Variants in CCDC149 observed in about 807,000 individuals in gnomAD.
CCDC149 encodes coiled-coil domain containing 149, also known as coiled-coil domain-containing protein 149.
CCDC149 carries 45 observed loss-of-function variants against 59.9 expected under a neutral mutation model. That is an observed-to-expected ratio of 0.75 (90% CI 0.59 to 0.96). The LOEUF (loss-of-function observed/expected upper bound fraction) is 0.96. Ranked by LOEUF, CCDC149 falls within the 40% of genes least tolerant of loss-of-function variation. The pLI, the probability that CCDC149 is intolerant of heterozygous loss-of-function variation, is 0.00. For synonymous variants in CCDC149, 245 were observed against 260.6 expected (o/e 0.94, Z 0.58); for missense variants, 584 against 664.7 (o/e 0.88, Z 1.33).
chr4:24,907,446 A>T (rs535482804), intron 1 of CCDC149, among the ~76,000 whole-genome samples: 1 of 152,258 alleles, frequency 6.6e-6, no homozygotes, highest in Admixed American at 6.5e-5. Flanking sequence ...CAGGCCTAAA[A>T]CAATCAGATC....
intron 1 of CCDC149, among the ~76,000 whole-genome samples, chr4:24,931,178 GTATATGTGTGTATATATA>G (rs1021577359): frequency 2.0e-5 from 3 of 149,392 alleles, no homozygotes; most frequent in African/African-American, 7.4e-5. Context: ...TCATATATAT[GTATATGTGTGTATATATA>G]TATATGTATA....
chr4:24,974,888 TG>T (rs964323891), intron 1 of CCDC149, among the ~76,000 whole-genome samples: 17 of 143,966 alleles, frequency 1.2e-4, no homozygotes, highest in African/African-American at 4.2e-4. Flanking sequence ...GAAAGGGGGT[TG>T]GGGGAAGGAA....
chr4:24,976,009 A>G (rs1246043143), intron 1 of CCDC149, among the ~76,000 whole-genome samples: 2 of 141,500 alleles, frequency 1.4e-5, no homozygotes, highest in African/African-American at 5.2e-5. Flanking sequence ...AGGGAGAGGG[A>G]AAAGAGGGGA....
intron 3 of CCDC149, among the ~76,000 whole-genome samples, chr4:24,870,309 G>A (rs900559189): frequency 1.3e-5 from 2 of 152,212 alleles, no homozygotes; most frequent in African/African-American, 2.4e-5. Context: ...GAGAGAATGA[G>A]TACATGACAA....
intron 1 of CCDC149, among the ~76,000 whole-genome samples, chr4:24,961,338 C>T (rs1481059541): frequency 2.0e-5 from 3 of 152,072 alleles, no homozygotes; most frequent in East Asian, 1.9e-4. Flanking sequence ...AAGCATGCTC[C>T]GCTCATGGGT....
chr4:24,971,982 G>A (rs964005114), intron 1 of CCDC149, among the ~76,000 whole-genome samples: 2 of 152,166 alleles, frequency 1.3e-5, no homozygotes, highest in Admixed American at 1.3e-4. Context: ...TGACTTGGAA[G>A]CTCTCACTTC....
At chr4:24,931,159 C>G (rs1384383355) in intron 1 of CCDC149, among the ~76,000 whole-genome samples, 1 of 150,526 alleles carries the variant, frequency 6.6e-6, no homozygotes, top group Non-Finnish European at 1.5e-5. Flanking sequence ...GGCTGTTCCA[C>G]CATGATCATC....
chr4:24,893,613 C>CTTTTTTTTTTT (rs3066508), intron 1 of CCDC149, among the ~76,000 whole-genome samples: 1,560 of 65,854 alleles, frequency 0.024, 417 homozygotes, highest in Non-Finnish European at 0.029. Context: ...AAAATACAGA[C>CTTTTTTTTTTT]TTTTTTTTTT....
chr4:24,816,940 C>T (rs1224265862), intron 12 of CCDC149, among the ~76,000 whole-genome samples: 8 of 152,278 alleles, frequency 5.3e-5, no homozygotes, highest in Middle Eastern at 3.4e-3. Context: ...CTCCCAAGCG[C>T]GCGCTGCTTT....
chr4:24,831,299 G>A (rs1279052954), intron 9 of CCDC149: 1 of 570,416 alleles, frequency 1.8e-6, no homozygotes, highest in Non-Finnish European at 3.1e-6. Context: ...AGTATGGCTG[G>A]TACCCTTTCC....
intron 1 of CCDC149, among the ~76,000 whole-genome samples, chr4:24,979,305 G>A (rs1411294966): frequency 6.6e-6 from 1 of 152,200 alleles, no homozygotes; most frequent in African/African-American, 2.4e-5. Context: ...AATGCCCTCA[G>A]ACAGAAAGAT....
intron 3 of CCDC149, among the ~76,000 whole-genome samples, chr4:24,867,492 A>C (rs141231318): frequency 7.0e-4 from 107 of 152,392 alleles, no homozygotes; most frequent in African/African-American, 2.5e-3. Flanking sequence ...TCTCTGAAAA[A>C]TACAAAGTGT....
intron 1 of CCDC149, among the ~76,000 whole-genome samples, chr4:24,961,741 A>G (rs957968477): frequency 6.6e-6 from 1 of 152,238 alleles, no homozygotes; most frequent in African/African-American, 2.4e-5. Flanking sequence ...TGGTGCTGGG[A>G]AAACTGGCTA....
At chr4:24,850,008 T>TC (rs1441302892) in intron 4 of CCDC149, among the ~76,000 whole-genome samples, 3 of 152,316 alleles carry the variant, frequency 2.0e-5, no homozygotes, top group African/African-American at 7.2e-5. Context: ...CTGGGGTTAG[T>TC]CCCCCCTCTG....
intron 1 of CCDC149, among the ~76,000 whole-genome samples, chr4:24,902,101 G>A (rs1000861812): frequency 4.6e-5 from 7 of 152,208 alleles, no homozygotes; most frequent in African/African-American, 1.7e-4. Flanking sequence ...TAAGTCAAGG[G>A]TTAGGTTGAA....
chr4:24,853,221 G>A (rs1182142948), intron 3 of CCDC149, 42 bp from the exon 4 acceptor site: 1 of 1,437,128 alleles, frequency 7.0e-7, no homozygotes, highest in South Asian at 1.1e-5. Context: ...CAGAAATGGA[G>A]GAGTGGATGA....
In CCDC149 at chr4:24,837,505, T is replaced by A; in HGVS notation, c.490-105A>T. ...GTTGACTGATTTTTAGAGAGTTTAT[T>A]AACACTACCCGCATGCCCTAAAGCC... On this transcript the variant is annotated intron_variant, in intron 5 of 12. Transcript: ENST00000635206. This position sits in a 1 kb window ranked among gnomAD's most constrained non-coding sequence, Gnocchi z 4.3. 1 of 1,043,652 alleles carries A rather than the reference T, an allele frequency of 9.6e-7. No homozygotes were observed. Among genetic ancestry groups the A allele is most frequent in the Non-Finnish European group, 1.4e-6 (1 of 701,240 alleles). The allele number at this position is 1,043,652 out of a possible 1,614,324, so 64.6% of individuals were successfully genotyped here.
At chr4:24,851,168 G>T (rs1660573324) in intron 4 of CCDC149, among the ~76,000 whole-genome samples, 1 of 152,232 alleles carries the variant, frequency 6.6e-6, no homozygotes, top group South Asian at 2.1e-4. Context: ...ATGCAGATCA[G>T]AAAGTTCAGA....
At chr4:24,942,878 C>T (rs1338285871) in intron 1 of CCDC149, among the ~76,000 whole-genome samples, 1 of 151,042 alleles carries the variant, frequency 6.6e-6, no homozygotes, top group Admixed American at 6.6e-5. Context: ...CTACAAACCA[C>T]TGCTCAATGA....
Sources: allele counts gnomAD v4.1 joint callset (sites outside exome capture counted in the v4.1 genomes callset), GRCh38; gene constraint gnomAD v4.1.1; non-coding constraint Gnocchi (gnomAD v3.1); transcripts MANE v1.5; gene names NCBI Gene and HGNC (gene_info 2026-07-23, HGNC 2026-07-21).